GALK2: variants seen among roughly 807,000 people sequenced by gnomAD.
The protein encoded by GALK2 is galactokinase 2, also known as N-acetylgalactosamine kinase.
GALK2 carries 36 observed loss-of-function variants against 52.4 expected under a neutral mutation model. The ratio of observed to expected loss-of-function variants is 0.69; its 90% CI spans 0.53 to 0.91. GALK2 has a LOEUF of 0.91. Ranked by LOEUF, GALK2 falls within the 40% of genes least tolerant of loss-of-function variation. GALK2 has a pLI of 0.00. For missense variants in GALK2, 579 were observed against 559.1 expected, an observed-to-expected ratio of 1.04 and a Z score of -0.36; for synonymous variants, 176 against 199.1, an observed-to-expected ratio of 0.88 and a Z score of 0.98.
chr15:49,351,855 G>C (rs554875957), intron 3 of GALK2, among the ~76,000 whole-genome samples: 5 of 152,262 alleles, frequency 3.3e-5, no homozygotes, highest in African/African-American at 1.2e-4. Context: ...AGTGGATGTG[G>C]GCTAGCTTGG....
chr15:49,163,014 A>G (rs144778254), intron 1 of GALK2, among the ~76,000 whole-genome samples: 6 of 152,330 alleles, frequency 3.9e-5, no homozygotes, highest in Non-Finnish European at 7.3e-5. Context: ...TTGTAGTGAA[A>G]TGGTTGGGTC....
At chr15:49,279,450 T>C (rs1219094845) in intron 5 of GALK2, among the ~76,000 whole-genome samples, 2 of 152,206 alleles carry the variant, frequency 1.3e-5, no homozygotes, top group Non-Finnish European at 2.9e-5. Context: ...CAGGGACTGG[T>C]TGAAGTCCAG....
downstream of GALK2, among the ~76,000 whole-genome samples, chr15:49,335,651 C>T (rs2039578262): frequency 1.3e-5 from 2 of 152,180 alleles, no homozygotes; most frequent in South Asian, 4.1e-4. Flanking sequence ...TGGAGTTACA[C>T]TCAGAGGACT....
intron 3 of GALK2, among the ~76,000 whole-genome samples, chr15:49,357,718 A>C (rs915777573): frequency 1.3e-5 from 2 of 151,966 alleles, no homozygotes; most frequent in African/African-American, 4.8e-5. Flanking sequence ...AAAAGAGGGA[A>C]TCCTCCCTAA....
rs2038095414 is a variant in GALK2, at chr15:49,329,120, C to CTTGT, written c.*966_*969dup. On this transcript the variant is annotated 3_prime_UTR_variant, in exon 10 of 10. Transcript: ENST00000560031. Reference sequence around the variant, plus strand: ...TCCCTTTTTTGCTTGTCTAGCAAAGCTTGTTTGTATATATGCACCCCATTG... The same window carrying CTTGT: ...TCCCTTTTTTGCTTGTCTAGCAAAGCTTGTTTGTTTGTATATATGCACCCCATTG... 3 of 993,156 alleles carry CTTGT rather than the reference C, an allele frequency of 3.0e-6. No homozygotes were observed. In the South Asian group the frequency reaches 1.4e-4, roughly 45 times the overall value. The allele number at this position is 993,156 out of a possible 1,614,324, so 61.5% of individuals were successfully genotyped here. A position where few individuals can be genotyped will look rare whatever the true frequency, so the allele number is the denominator to read the frequency against.
intron 3 of GALK2, among the ~76,000 whole-genome samples, chr15:49,351,240 A>C (rs2042200971): frequency 6.6e-6 from 1 of 152,206 alleles, no homozygotes; most frequent in Non-Finnish European, 1.5e-5. Flanking sequence ...TTTCAGTTTC[A>C]AATGTCTTCC....
chr15:49,265,163 C>T (rs1230011979), intron 5 of GALK2, among the ~76,000 whole-genome samples: 1 of 152,214 alleles, frequency 6.6e-6, no homozygotes, highest in Non-Finnish European at 1.5e-5. Flanking sequence ...TGTCTGTGCC[C>T]TTCCCCCAGA....
Position 49,277,557 on chromosome 15 carries a change from G to A in GALK2, c.505-4430G>A, listed in dbSNP as rs2032007549. 2.0e-5 allele frequency among the ~76,000 whole-genome samples: 3 copies of A among 148,968 alleles called. No individual in the cohort carries two copies. In the South Asian group the frequency reaches 6.5e-4, roughly 32 times the overall value. On this transcript the variant is annotated intron_variant, in intron 5 of 9. Transcript: ENST00000560031. ...TCACGCCTGTTATCCCAGCACTTTG[G>A]GAGGCCGAGGCGGGCGGATCACGAG...
At position 49,214,424 on chromosome 15, in the gene GALK2, G is replaced by A. The variant is rs1281270300; in HGVS notation, c.143-2766G>A. Among the ~76,000 whole-genome samples the A allele has an allele frequency of 2.8e-5, 4 of 145,268 alleles. 1 individual carries two copies. The highest frequency in any genetic ancestry group is 4.5e-5 in the Non-Finnish European group (3 of 67,036). On this transcript the variant is annotated intron_variant, in intron 2 of 9. Coordinates refer to ENST00000560031, the MANE Select transcript of GALK2 (RefSeq NM_002044.4). ...CGGCTCACTTCAACCTCTGCCTCCC[G>A]GGTTCAAGCGATTCTCCTGCCTCAG...
At chr15:49,337,349 A>G (rs751846543) in intron 3 of GALK2, among the ~76,000 whole-genome samples, 2 of 152,004 alleles carry the variant, frequency 1.3e-5, no homozygotes, top group Non-Finnish European at 2.9e-5. Flanking sequence ...CCCCATCAGC[A>G]TCTATTGTTT....
chr15:49,309,400 T>A (rs1405992787), intron 8 of GALK2, among the ~76,000 whole-genome samples: 1 of 152,198 alleles, frequency 6.6e-6, no homozygotes, highest in African/African-American at 2.4e-5. Flanking sequence ...TATTTCTAAC[T>A]GGAATTATTT....
chr15:49,349,854 A>AAAAAC (rs546612405), intron 3 of GALK2, among the ~76,000 whole-genome samples: 50 of 152,166 alleles, frequency 3.3e-4, no homozygotes, highest in Non-Finnish European at 1.2e-4. Flanking sequence ...AAAAACGATA[A>AAAAAC]AAAACAAAAC....
At chr15:49,166,034 C>T (rs542318286), upstream of GALK2, among the ~76,000 whole-genome samples, 5 of 151,842 alleles carry the variant, frequency 3.3e-5, no homozygotes, top group Non-Finnish European at 5.9e-5. Context: ...GATCTCCCGA[C>T]CTTGTGATCT....
At chr15:49,338,888 C>T (rs1359380203) in intron 3 of GALK2, among the ~76,000 whole-genome samples, 1 of 152,122 alleles carries the variant, frequency 6.6e-6, no homozygotes, top group East Asian at 1.9e-4. Flanking sequence ...GATTTTCAGT[C>T]TCTGATATCC....
intron 3 of GALK2, among the ~76,000 whole-genome samples, chr15:49,348,592 T>C (rs1484043692): frequency 2.0e-5 from 3 of 152,204 alleles, no homozygotes; most frequent in African/African-American, 7.2e-5. Context: ...CTGGAAGTGA[T>C]TTTTGTGGGG....
chr15:49,199,681 A>T (rs1007213741), intron 1 of GALK2, among the ~76,000 whole-genome samples: 1 of 152,196 alleles, frequency 6.6e-6, no homozygotes, highest in African/African-American at 2.4e-5. Flanking sequence ...ACGAAAGGAC[A>T]CAGAAACGTA....
At chr15:49,319,498 C>T in intron 8 of GALK2, 106 bp from the exon 9 acceptor site, 3 of 872,474 alleles carry the variant, frequency 3.4e-6, no homozygotes, top group Non-Finnish European at 5.3e-6. Context: ...GTTTAAGATA[C>T]TGATAATGAA....
At position 49,328,402 on chromosome 15, in the gene GALK2, T is replaced by C. The variant is rs1008850062; in HGVS notation, c.*243T>C. ...CATGCTTGGACAGATCTTTTAAGAA[T>C]AACTTACTGAGATTTATTGATTTGA... On this transcript the variant is annotated 3_prime_UTR_variant, in exon 10 of 10. Transcript: ENST00000560031. The C allele has an allele frequency of 7.0e-7, 1 of 1,430,456 alleles. No individual in the cohort carries two copies. Among genetic ancestry groups the C allele is most frequent in the Admixed American group, 2.9e-5 (1 of 34,732 alleles). The allele number at this position is 1,430,456 out of a possible 1,614,324, so 88.6% of individuals were successfully genotyped here.
At chr15:49,353,321 G>A (rs752235774) in intron 3 of GALK2, among the ~76,000 whole-genome samples, 2 of 152,048 alleles carry the variant, frequency 1.3e-5, no homozygotes, top group Non-Finnish European at 2.9e-5. Context: ...TTTCCTCTCT[G>A]ATCCTCATCT....
Sources: allele counts gnomAD v4.1 joint callset (sites outside exome capture counted in the v4.1 genomes callset), GRCh38; gene constraint gnomAD v4.1.1; transcripts MANE v1.5; gene names NCBI Gene and HGNC (gene_info 2026-07-23, HGNC 2026-07-21).